Variants in DENND1A observed in about 807,000 individuals in gnomAD.
DENND1A encodes DENN domain containing 1A, also known as DENN domain-containing protein 1A.
Under a neutral mutation model 113.7 loss-of-function variants are expected in DENND1A, and 51 were observed. That is an observed-to-expected ratio of 0.45 (90% CI 0.36 to 0.57). The LOEUF (loss-of-function observed/expected upper bound fraction) is 0.57. Among genes scored for constraint, DENND1A ranks in the 20% least tolerant of loss-of-function variants. DENND1A has a pLI of 0.00. For missense variants in DENND1A, 1,258 were observed against 1,395.9 expected (o/e 0.90, Z 1.57); for synonymous variants, 565 against 570.8 (o/e 0.99, Z 0.14).
chr9:123,639,707 G>A (rs2061921663), intron 9 of DENND1A, among the ~76,000 whole-genome samples: 1 of 149,750 alleles, frequency 6.7e-6, no homozygotes, highest in South Asian at 2.2e-4. Flanking sequence ...AACCCGGGAG[G>A]TAGAGGTTGT....
chr9:123,551,981 G>A (rs978079562), intron 13 of DENND1A, among the ~76,000 whole-genome samples: 4 of 151,612 alleles, frequency 2.6e-5, no homozygotes, highest in Admixed American at 6.6e-5. Context: ...CATTAGGAAA[G>A]AGAGAGAGAG....
At position 123,604,404 on chromosome 9, in the gene DENND1A, C is replaced by T. The variant is rs867374273; in HGVS notation, c.765+5032G>A. On this transcript the variant is annotated intron_variant, in intron 11 of 23. Transcript: ENST00000394215. The stretch of plus-strand genomic sequence containing the variant: ...TTTATATTTTTCTGCATCTGGTCTA[C>T]ACACAATCCTGTGAAGGTGGATATT... 2.0e-5 allele frequency among the ~76,000 whole-genome samples: 3 copies of T among 152,220 alleles called. No individual in the cohort carries two copies. In the South Asian group the frequency reaches 6.2e-4, roughly 32 times the overall value.
In DENND1A at chr9:123,636,204, C is replaced by CTTCCTTA. The variant is rs1194959885; in HGVS notation, c.619-5735_619-5729dup. Among the ~76,000 whole-genome samples, 124 of 152,190 alleles carry CTTCCTTA rather than the reference C, an allele frequency of 8.1e-4. 6 individuals are homozygous for CTTCCTTA. Among genetic ancestry groups the CTTCCTTA allele is most frequent in the Non-Finnish European group, 7.3e-5 (5 of 68,038 alleles). ...CATCACCTGACCAGGGCACAGCTGT[C>CTTCCTTA]TTCCTTACTTGGCCCCTGATACTCT... On this transcript the variant is annotated intron_variant, in intron 9 of 23. Coordinates refer to ENST00000394215, the MANE Select transcript of DENND1A (RefSeq NM_001352964.2).
intron 13 of DENND1A, among the ~76,000 whole-genome samples, chr9:123,494,557 C>T (rs2051688377): frequency 6.6e-6 from 1 of 152,118 alleles, no homozygotes; most frequent in Admixed American, 6.5e-5. Flanking sequence ...CAGAACACAC[C>T]CTTAAAAGTG....
intron 13 of DENND1A, among the ~76,000 whole-genome samples, chr9:123,538,655 A>G (rs2055986387): frequency 6.6e-6 from 1 of 150,796 alleles, no homozygotes; most frequent in South Asian, 2.1e-4. Context: ...TATTTTAATA[A>G]TTAAAAATTA....
chr9:123,434,159 T>G (rs1023062457), intron 19 of DENND1A, among the ~76,000 whole-genome samples: 3 of 152,218 alleles, frequency 2.0e-5, no homozygotes, highest in African/African-American at 7.2e-5. Flanking sequence ...CCTGAGAAGC[T>G]GGGACTACAG....
chr9:123,909,308 C>G (rs1194979997), intron 1 of DENND1A, among the ~76,000 whole-genome samples: 5 of 148,628 alleles, frequency 3.4e-5, no homozygotes, highest in Non-Finnish European at 4.4e-5. Context: ...TGTAACTAAC[C>G]CGCACAATGT....
chr9:123,586,955 C>T (rs1013222600), intron 11 of DENND1A, among the ~76,000 whole-genome samples: 2 of 152,002 alleles, frequency 1.3e-5, no homozygotes, highest in Non-Finnish European at 2.9e-5. Flanking sequence ...AGTCTTATTG[C>T]GGGATCTGGC....
Position 123,382,183 on chromosome 9 carries a change from C to T in DENND1A, c.2462G>A (p.Gly821Asp), listed in dbSNP as rs748311987. 1.9e-6 allele frequency: 3 copies of T among 1,609,214 alleles called. No individual in the cohort carries two copies. Among genetic ancestry groups the T allele is most frequent in the Middle Eastern group, 1.6e-4 (1 of 6,070 alleles). ...PGLLPGVVPQ[G>D]PTELLQPLSP... ...GAGCGGCTGGAGCAGTTCAGTGGGG[C>T]CTTGGGGGACAACACCAGGCAGGAG... Residue 821 changes from glycine (G) to aspartate (D), a missense_variant, in exon 24 of 24, where the codon GGC (glycine) becomes GAC (aspartate). Transcript: ENST00000394215.
At chr9:123,784,678 A>G (rs1212137683) in intron 3 of DENND1A, among the ~76,000 whole-genome samples, 1 of 152,216 alleles carries the variant, frequency 6.6e-6, no homozygotes, top group African/African-American at 2.4e-5. Flanking sequence ...CATTCTCATA[A>G]GAATGTGTAA....
At chr9:123,917,020 C>G (rs1268281177) in intron 1 of DENND1A, among the ~76,000 whole-genome samples, 1 of 151,912 alleles carries the variant, frequency 6.6e-6, no homozygotes, top group Admixed American at 6.6e-5. Context: ...CCTGTCTCTA[C>G]TAAAAATACA....
intron 5 of DENND1A, among the ~76,000 whole-genome samples, chr9:123,685,952 C>T (rs183271848): frequency 2.0e-5 from 3 of 151,764 alleles, no homozygotes; most frequent in Non-Finnish European, 4.4e-5. Flanking sequence ...CTAAGGCCCA[C>T]CCTACTGGAG....
chr9:123,500,803 G>T (rs929530003), intron 13 of DENND1A, among the ~76,000 whole-genome samples: 7 of 152,288 alleles, frequency 4.6e-5, no homozygotes, highest in Admixed American at 1.3e-4. Context: ...CTCAAATCTG[G>T]GTGTTTCATC....
At position 123,580,305 on chromosome 9, in the gene DENND1A, A is replaced by G. The variant is rs112545720; in HGVS notation, c.867+2864T>C. ...CTTGGAATTTGCCATCTTCAGAAAG[A>G]CTCCATTATCCTCCCCAAAATTTTG... On this transcript the variant is annotated intron_variant, in intron 12 of 23. Transcript: ENST00000394215. Among the ~76,000 whole-genome samples the G allele has an allele frequency of 3.2e-4, 48 of 151,702 alleles. 1 individual carries two copies. Among genetic ancestry groups the G allele is most frequent in the African/African-American group, 9.0e-4 (37 of 41,316 alleles).
chr9:123,482,617 A>T (rs2050437922), intron 13 of DENND1A, among the ~76,000 whole-genome samples: 1 of 152,164 alleles, frequency 6.6e-6, no homozygotes, highest in Non-Finnish European at 1.5e-5. Context: ...CAGCCCCTGG[A>T]GCTATCACAG....
chr9:123,905,577 C>A (rs1400904974), intron 1 of DENND1A, among the ~76,000 whole-genome samples: 1 of 138,244 alleles, frequency 7.2e-6, no homozygotes, highest in Non-Finnish European at 1.6e-5. Flanking sequence ...ATAAAACAGA[C>A]TTTAAACCAA....
intron 19 of DENND1A, among the ~76,000 whole-genome samples, chr9:123,433,109 C>T (rs1327422234): frequency 6.6e-6 from 1 of 152,224 alleles, no homozygotes; most frequent in African/African-American, 2.4e-5. Flanking sequence ...TACCAGGGGC[C>T]TGTGTGCCAG....
intron 10 of DENND1A, among the ~76,000 whole-genome samples, chr9:123,612,152 C>T (rs945410750): frequency 6.6e-6 from 1 of 152,182 alleles, no homozygotes; most frequent in African/African-American, 2.4e-5. Flanking sequence ...ACGTATCAAG[C>T]CTCAGATACT....
intron 13 of DENND1A, among the ~76,000 whole-genome samples, chr9:123,471,203 T>G (rs2049389249): frequency 6.6e-6 from 1 of 152,026 alleles, no homozygotes; most frequent in African/African-American, 2.4e-5. Context: ...TCGGGAACAG[T>G]GAAAGACACT....
Sources: allele counts gnomAD v4.1 joint callset (sites outside exome capture counted in the v4.1 genomes callset), GRCh38; gene constraint gnomAD v4.1.1; transcripts MANE v1.5; gene names NCBI Gene and HGNC (gene_info 2026-07-23, HGNC 2026-07-21).